Variants in MICAL2 observed in about 807,000 individuals in gnomAD.
MICAL2 encodes microtubule associated monooxygenase, calponin and LIM domain containing 2, also known as [F-actin]-monooxygenase MICAL2.
A neutral mutation model predicts 127.3 loss-of-function variants in MICAL2; 77 were observed. The ratio of observed to expected loss-of-function variants is 0.60; its 90% CI spans 0.50 to 0.73. The LOEUF (loss-of-function observed/expected upper bound fraction) is 0.73. Among genes scored for constraint, MICAL2 ranks in the 30% least tolerant of loss-of-function variants. MICAL2 has a pLI of 0.00. For synonymous variants in MICAL2, 570 were observed against 551.1 expected (o/e 1.03, Z -0.48); for missense variants, 1,351 against 1,434.4 (o/e 0.94, Z 0.94).
intron 29 of MICAL2, chr11:12,319,665 A>C (rs79919000): frequency 0.021 from 30,307 of 1,445,678 alleles, 635 homozygotes; most frequent in East Asian, 0.097. Flanking sequence ...TGAAGCTAGC[A>C]GTTCATTGAG....
chr11:12,216,237 T>C lies in MICAL2; in HGVS notation c.866T>C (p.Ile289Thr). Residue 289 changes from isoleucine to threonine, a missense_variant, in exon 8 of 28, where the codon ATT (isoleucine) becomes ACT (threonine). Physicochemically the swap from Ile to Thr is moderately conservative, Grantham distance 89 (BLOSUM62 -1). Transcript: ENST00000683283. ...TTTTCAGGCATAGATCTTGAGAACA[T>C]TGTTTACTACAAGGACTGCACCCAC... is the stretch of plus-strand genomic sequence containing the variant. Reference protein sequence around the residue: ...KEETGIDLENIVYYKDCTHYF... With the variant: ...KEETGIDLENTVYYKDCTHYF... The C allele has an allele frequency of 6.2e-7, 1 of 1,613,372 alleles. No homozygotes were observed. Among genetic ancestry groups the C allele is most frequent in the Non-Finnish European group, 8.5e-7 (1 of 1,179,280 alleles).
chr11:12,352,461 C>A (rs1565313514), intron 33 of MICAL2, among the ~76,000 whole-genome samples: 1 of 152,222 alleles, frequency 6.6e-6, no homozygotes, highest in Non-Finnish European at 1.5e-5. Context: ...GGCACGGCTG[C>A]TGCCTGTGTC....
chr11:12,296,251 CT>C (rs1378782215), downstream of MICAL2, among the ~76,000 whole-genome samples: 1 of 151,590 alleles, frequency 6.6e-6, no homozygotes, highest in East Asian at 1.9e-4. Context: ...CTTTGTTTTT[CT>C]TTTTTCCTAA....
intron 3 of MICAL2, among the ~76,000 whole-genome samples, chr11:12,182,656 A>G (rs1254673409): frequency 6.6e-6 from 1 of 152,074 alleles, no homozygotes; most frequent in African/African-American, 2.4e-5. Flanking sequence ...TCCTTTAATT[A>G]AGGTCACACC....
chr11:12,223,513 T>C lies in MICAL2; in HGVS notation c.1540+12T>C. The C allele has an allele frequency of 6.2e-7, 1 of 1,611,294 alleles. No individual in the cohort carries two copies. The highest frequency in any genetic ancestry group is 8.5e-7 in the Non-Finnish European group (1 of 1,178,098). On this transcript the variant is annotated intron_variant, in intron 12 of 27. Coordinates refer to ENST00000683283, the MANE Select transcript of MICAL2 (RefSeq NM_001282663.2). ...CCTCTCCAGGAAGGGTAAGCGGCCC[T>C]CCTGGGACCCTGGTGGGTGGCTGGG...
intron 4 of MICAL2, chr11:12,207,722 A>G (rs1854899662): frequency 8.1e-6 from 2 of 248,434 alleles, no homozygotes; most frequent in African/African-American, 4.5e-5. Context: ...GGGTCTAGAA[A>G]TCAGACAGAT....
rs144833613 is a variant in MICAL2, at chr11:12,177,063, C to A, written c.264+14644C>A. ...GGGTCAAATGGTAATTCTATTTTTA[C>A]TTTTTTGAGGAACTGTCCTATTGTT... On this transcript the variant is annotated intron_variant, in intron 3 of 27. Transcript: ENST00000683283. 8.7e-4 allele frequency among the ~76,000 whole-genome samples: 132 copies of A among 152,236 alleles called. 1 individual carries two copies. The highest frequency in any genetic ancestry group is 2.8e-3 in the African/African-American group (118 of 41,552).
chr11:12,227,886 C>T (rs1196333126), intron 15 of MICAL2, among the ~76,000 whole-genome samples: 2 of 152,188 alleles, frequency 1.3e-5, no homozygotes, highest in East Asian at 3.8e-4. Flanking sequence ...TAAAAATATT[C>T]TGTGGCACCT....
intron 1 of MICAL2, among the ~76,000 whole-genome samples, chr11:12,121,120 C>T (rs1171172136): frequency 6.6e-6 from 1 of 152,234 alleles, no homozygotes; most frequent in Non-Finnish European, 1.5e-5. Context: ...ACATCTGTCA[C>T]ATTCTGCAGC....
intron 34 of MICAL2, chr11:12,358,208 G>C: frequency 7.6e-7 from 1 of 1,319,322 alleles, no homozygotes; most frequent in Non-Finnish European, 1.1e-6. Context: ...GGCAGAACAA[G>C]TCCATAACAA....
At chr11:12,338,607 C>T (rs1294042688) in intron 32 of MICAL2, among the ~76,000 whole-genome samples, 1 of 152,146 alleles carries the variant, frequency 6.6e-6, no homozygotes, top group African/African-American at 2.4e-5. Flanking sequence ...TGTTCCTTTC[C>T]ATATTTAGTG....
intron 3 of MICAL2, among the ~76,000 whole-genome samples, chr11:12,202,673 T>C (rs1445310894): frequency 6.6e-6 from 1 of 152,184 alleles, no homozygotes; most frequent in Non-Finnish European, 1.5e-5. Context: ...ATAAGTTAGG[T>C]ATTTTACCCC....
At chr11:12,180,350 T>TATATATATATATA (rs1554968182) in intron 3 of MICAL2, among the ~76,000 whole-genome samples, 40 of 104,138 alleles carry the variant, frequency 3.8e-4, no homozygotes, top group African/African-American at 1.8e-3. Context: ...TATGTATATA[T>TATATATATATATA]TTTTTTTTTG....
chr11:12,349,842 A>G, exon 33 of MICAL2: 3 of 1,613,984 alleles, frequency 1.9e-6, no homozygotes, highest in Non-Finnish European at 2.5e-6. Flanking sequence ...AAGCAGATTC[A>G]GGCACACAGG....
intron 1 of MICAL2, among the ~76,000 whole-genome samples, chr11:12,123,622 C>A (rs554245143): frequency 6.6e-6 from 1 of 152,308 alleles, no homozygotes; most frequent in Admixed American, 6.5e-5. Context: ...GACAGCTATG[C>A]CACAGCTGCA....
In MICAL2 at chr11:12,256,815, C is replaced by T. The variant is rs764545303; in HGVS notation, c.2986C>T (p.Leu996=). ...ESMRKSFPLN[L]GGSDTCYFCK... ...TATGCGAAAGTCATTTCCCCTTAAC[C>T]TGGGAGGCAGCGACACGTGTTACTT... is the stretch of plus-strand genomic sequence containing the variant. Residue 996 remains leucine (L), a synonymous_variant, in exon 24 of 28, where the codon CTG becomes TTG. Coordinates refer to ENST00000683283, the MANE Select transcript of MICAL2 (RefSeq NM_001282663.2). The T allele has an allele frequency of 6.8e-6, 11 of 1,613,682 alleles. No individual in the cohort carries two copies. Among genetic ancestry groups the T allele is most frequent in the African/African-American group, 1.3e-5 (1 of 75,070 alleles).
At chr11:12,166,264 G>A (rs1180198463) in intron 3 of MICAL2, among the ~76,000 whole-genome samples, 2 of 152,176 alleles carry the variant, frequency 1.3e-5, no homozygotes, top group Non-Finnish European at 2.9e-5. Context: ...GAAGAGAGTG[G>A]CATTACTGGG....
At chr11:12,278,535 T>C (rs1046053500) in intron 1 of MICAL2, among the ~76,000 whole-genome samples, 1 of 152,258 alleles carries the variant, frequency 6.6e-6, no homozygotes, top group African/African-American at 2.4e-5. Flanking sequence ...AACATCATTA[T>C]GAAAGACATG....
chr11:12,288,075 C>T (rs942303371), downstream of MICAL2, among the ~76,000 whole-genome samples: 5 of 152,342 alleles, frequency 3.3e-5, no homozygotes, highest in South Asian at 2.1e-4. Context: ...CATCCCCAGA[C>T]GCACCACCGT....
Sources: allele counts gnomAD v4.1 joint callset (sites outside exome capture counted in the v4.1 genomes callset), GRCh38; gene constraint gnomAD v4.1.1; transcripts MANE v1.5; gene names NCBI Gene and HGNC (gene_info 2026-07-23, HGNC 2026-07-21).